Variants in KLHL17 observed in about 807,000 individuals in gnomAD.
KLHL17 encodes kelch-like protein 17.
KLHL17 carries 71 observed loss-of-function variants against 64.6 expected under a neutral mutation model. The observed-to-expected ratio is 1.10, with a 90% CI of 0.91 to 1.34. The LOEUF is 1.34. Ranked by LOEUF, KLHL17 falls within the 40% of genes most tolerant of loss-of-function variation. The probability of loss-of-function intolerance (pLI) is 0.00; values close to 1 mark genes in which losing one functional copy is unlikely to be tolerated. For synonymous variants in KLHL17, 612 were observed against 405.4 expected (o/e 1.51, Z -6.12); for missense variants, 1,140 against 935.0 (o/e 1.22, Z -2.86).
At position 962,054 on chromosome 1, in the gene KLHL17, G is replaced by A. The variant is rs941515377; in HGVS notation, c.711+7G>A. The stretch of plus-strand genomic sequence containing the variant: ...GCTGCTGCCCCTGAAACAGGTAACA[G>A]CTGGCGGGCCCAGCCCTCGCCCCCC... On this transcript the variant is annotated splice_region_variant and intron_variant, in intron 4 of 11. Coordinates refer to ENST00000338591, the MANE Select transcript of KLHL17 (RefSeq NM_198317.3). 2.5e-6 allele frequency: 4 copies of A among 1,612,122 alleles called. No homozygotes were observed. The highest frequency in any genetic ancestry group is 4.5e-5 in the East Asian group (2 of 44,862).
At chr1:962,170 G>A (rs754936183) in intron 4 of KLHL17, 123 bp downstream of exon 4, 2 of 1,273,468 alleles carry the variant, frequency 1.6e-6, no homozygotes, top group Non-Finnish European at 2.2e-6. Context: ...CCTGCTGTGT[G>A]TCCCCGAGAC....
Position 964,113 on chromosome 1 carries a change from A to G in KLHL17, c.1451A>G (p.Asn484Ser), listed in dbSNP as rs913977199. The G allele has an allele frequency of 1.2e-6, 2 of 1,612,492 alleles. No individual in the cohort carries two copies. Among genetic ancestry groups the G allele is most frequent in the African/African-American group, 2.7e-5 (2 of 74,882 alleles). ...RYVRVATLDG[N>S]LYAVGGYDSS... is the part of the protein sequence containing the mutation. ...GTGTGTTGACTTCCGGCAGATGGGAACCTGTATGCTGTGGGCGGCTACGAC... is the reference window on the plus strand; with the variant it reads ...GTGTGTTGACTTCCGGCAGATGGGAGCCTGTATGCTGTGGGCGGCTACGAC... Residue 484 changes from asparagine to serine, a missense_variant, in exon 10 of 12, where the codon AAC becomes AGC. Coordinates refer to ENST00000338591, the MANE Select transcript of KLHL17 (RefSeq NM_198317.3).
chr1:964,458 G>A lies in KLHL17; in HGVS notation c.1628G>A (p.Cys543Tyr), dbSNP rs1322771605. The change falls in exon 11 of 12, where the codon TGC becomes TAC. Residue 543 changes from cysteine to tyrosine, a missense_variant. Transcript: ENST00000338591. ...YVAGGNDGTS[C>Y]LNSVERYSPK... ...GCAGGGGGCAACGACGGCACCAGCT[G>A]CCTCAACTCGGTAGAGAGATACAGT... The A allele has an allele frequency of 6.5e-7, 1 of 1,547,088 alleles. No homozygotes were observed. Among genetic ancestry groups the A allele is most frequent in the Admixed American group, 2.0e-5 (1 of 50,870 alleles).
In KLHL17 at chr1:961,502, A is replaced by C; in HGVS notation, c.317A>C (p.His106Pro). 1 of 1,612,584 alleles carries C rather than the reference A, an allele frequency of 6.2e-7. No individual in the cohort carries two copies. The highest frequency in any genetic ancestry group is 1.1e-5 in the South Asian group (1 of 91,088). Residue 106 changes from histidine (H) to proline (P), a missense_variant, in exon 2 of 12, where the codon CAC (histidine) becomes CCC (proline). Physicochemically the swap from His to Pro is moderately conservative, Grantham distance 77. Transcript: ENST00000338591. The stretch of plus-strand genomic sequence containing the variant: ...GTGGCTGCCAAGGAGATCCGTGCGC[A>C]CAAAGTGGTGCTGGCCTCCTGCAGC... ...LHVAAKEIRA[H>P]KVVLASCSPY...
chr1:961,442 G>A lies in KLHL17; in HGVS notation c.257G>A (p.Arg86His). ...GCCTTCGTGGCCATGAGCCGCATGC[G>A]CCAGCGCGGCCTCCTGTGCGACATC... ...HDAFVAMSRM[R>H]QRGLLCDIVL... Residue 86 changes from arginine to histidine, a missense_variant, in exon 2 of 12, where the codon CGC (arginine) becomes CAC (histidine). Arg to His is a conservative substitution (Grantham distance 29). Coordinates refer to ENST00000338591, the MANE Select transcript of KLHL17 (RefSeq NM_198317.3). The A allele has an allele frequency of 1.9e-6, 3 of 1,612,174 alleles. No homozygotes were observed. Among genetic ancestry groups the A allele is most frequent in the Non-Finnish European group, 2.5e-6 (3 of 1,179,776 alleles).
At chr1:960,975 A>T in intron 1 of KLHL17, 175 bp downstream of exon 1, 1 of 339,800 alleles carries the variant, frequency 2.9e-6, no homozygotes, top group Non-Finnish European at 4.2e-6. Context: ...CCGCGCGCCC[A>T]GGACGCGACT....
Position 964,427 on chromosome 1 carries a change from T to C in KLHL17, c.1597T>C (p.Tyr533His). The C allele has an allele frequency of 1.3e-6, 2 of 1,550,612 alleles. No homozygotes were observed. The highest frequency in any genetic ancestry group is 1.7e-6 in the Non-Finnish European group (2 of 1,148,656). The stretch of plus-strand genomic sequence containing the variant: ...CGTGGCCGTGCTGGAGGGTGCCCTG[T>C]ACGTGGCAGGGGGCAACGACGGCAC... ...AGVAVLEGAL[Y>H]VAGGNDGTSC... is the part of the protein sequence containing the mutation. Residue 533 changes from tyrosine (Y) to histidine (H), a missense_variant, in exon 11 of 12, where the codon TAC becomes CAC. By Grantham distance (83) the Tyr-to-His change is moderately conservative. Coordinates refer to ENST00000338591, the MANE Select transcript of KLHL17 (RefSeq NM_198317.3).
At position 961,713 on chromosome 1, in the gene KLHL17, A is replaced by G; in HGVS notation, c.452A>G (p.Tyr151Cys). 6.2e-7 allele frequency: 1 copy of G among 1,612,326 alleles called. No homozygotes were observed. The highest frequency in any genetic ancestry group is 8.5e-7 in the Non-Finnish European group (1 of 1,179,560). ...TTGGACCAGCTGGTGCAGTTTGCCT[A>G]CACGGCTGAGATTGTGGTGGGCGAG... is the stretch of plus-strand genomic sequence containing the variant. The part of the protein sequence containing the change: ...QALDQLVQFA[Y>C]TAEIVVGEGN... Residue 151 changes from tyrosine (Y) to cysteine (C), a missense_variant, in exon 3 of 12, where the codon TAC (tyrosine) becomes TGC (cysteine). Tyr to Cys is a radical substitution (Grantham distance 194, BLOSUM62 -2). Transcript: ENST00000338591.
intron 11 of KLHL17, 30 bp from the exon 12 acceptor site, chr1:964,933 A>C: frequency 2.6e-6 from 4 of 1,512,784 alleles, no homozygotes; most frequent in Non-Finnish European, 3.6e-6. Flanking sequence ...CCCTTCCTGC[A>C]GCCAGGGGCT....
At position 961,461 on chromosome 1, in the gene KLHL17, C is replaced by A. The variant is rs1428921737; in HGVS notation, c.276C>A (p.Cys92Ter). 6.2e-7 allele frequency: 1 copy of A among 1,612,418 alleles called. No individual in the cohort carries two copies. Among genetic ancestry groups the A allele is most frequent in the South Asian group, 1.1e-5 (1 of 91,072 alleles). The change falls in exon 2 of 12, where the codon TGC (cysteine) becomes TGA (stop). Residue 92 changes from cysteine (C) to a stop codon, truncating the protein, a stop_gained. Coordinates refer to ENST00000338591, the MANE Select transcript of KLHL17 (RefSeq NM_198317.3). LOFTEE classifies it high-confidence loss of function. ...GCATGCGCCAGCGCGGCCTCCTGTG[C>A]GACATCGTCCTGCACGTGGCTGCCA... is the stretch of plus-strand genomic sequence containing the variant. ...MSRMRQRGLL[C>*]DIVLHVAAKE... is the part of the protein sequence containing the mutation.
Position 962,050 on chromosome 1 carries a change from A to G in KLHL17, c.711+3A>G. On this transcript the variant is annotated splice_donor_region_variant and intron_variant, in intron 4 of 11. Coordinates refer to ENST00000338591, the MANE Select transcript of KLHL17 (RefSeq NM_198317.3). ...TTATGCTGCTGCCCCTGAAACAGGT[A>G]ACAGCTGGCGGGCCCAGCCCTCGCC... The G allele has an allele frequency of 6.2e-7, 1 of 1,612,314 alleles. No homozygotes were observed. The highest frequency in any genetic ancestry group is 8.5e-7 in the Non-Finnish European group (1 of 1,179,690).
chr1:963,640 C>A, intron 8 of KLHL17, 136 bp downstream of exon 8: 1 of 1,038,974 alleles, frequency 9.6e-7, no homozygotes, highest in Non-Finnish European at 1.4e-6. Context: ...CAGGCCACTG[C>A]CACACTGGGC....
Position 960,818 on chromosome 1 carries a change from G to C in KLHL17, c.107+18G>C. 1 of 992,614 alleles carries C rather than the reference G, an allele frequency of 1.0e-6. No individual in the cohort carries two copies. Among genetic ancestry groups the C allele is most frequent in the Non-Finnish European group, 1.2e-6 (1 of 833,384 alleles). The allele number at this position is 992,614 out of a possible 1,614,324, so 61.5% of individuals were successfully genotyped here. A position where few individuals can be genotyped will look rare whatever the true frequency, so the allele number is the denominator to read the frequency against. On this transcript the variant is annotated intron_variant, in intron 1 of 11. Coordinates refer to ENST00000338591, the MANE Select transcript of KLHL17 (RefSeq NM_198317.3). Reference sequence around the variant, plus strand: ...CCGCCGGCGTGAGTGGGCGGGGGTCGGGGCGCGGGGGGCGGCCTCGGGACC... The same window carrying C: ...CCGCCGGCGTGAGTGGGCGGGGGTCCGGGCGCGGGGGGCGGCCTCGGGACC...
chr1:963,650 C>A, intron 8 of KLHL17, 146 bp downstream of exon 8: 1 of 1,013,350 alleles, frequency 9.9e-7, no homozygotes, highest in Non-Finnish European at 1.4e-6. Flanking sequence ...CCACACTGGG[C>A]CTGAACTCTT....
Position 961,628 on chromosome 1 carries a change from G to A in KLHL17, c.368-1G>A. The A allele has an allele frequency of 6.2e-7, 1 of 1,612,818 alleles. No individual in the cohort carries two copies. The highest frequency in any genetic ancestry group is 8.5e-7 in the Non-Finnish European group (1 of 1,179,934). ...GCTCGTGTAACCCGCTGTCCCCGCA[G>A]ATGAGATGAGCGAGAGCCGCCAGAC... is the stretch of plus-strand genomic sequence containing the variant. On this transcript the variant is annotated splice_acceptor_variant, in intron 2 of 11. Transcript: ENST00000338591. LOFTEE classifies it high-confidence loss of function.
In KLHL17 at chr1:961,655, C is replaced by T. The variant is rs746461764; in HGVS notation, c.394C>T (p.His132Tyr). Residue 132 changes from histidine to tyrosine, a missense_variant, in exon 3 of 12, where the codon CAC becomes TAC. By Grantham distance (83) the His-to-Tyr change is moderately conservative (BLOSUM62 2). Coordinates refer to ENST00000338591, the MANE Select transcript of KLHL17 (RefSeq NM_198317.3). ...TNEMSESRQT[H>Y]VTLHDIDPQA... The stretch of plus-strand genomic sequence containing the variant: ...TGAGATGAGCGAGAGCCGCCAGACC[C>T]ACGTGACGCTGCACGACATCGACCC... The T allele has an allele frequency of 1.2e-6, 2 of 1,612,730 alleles. No individual in the cohort carries two copies. Among genetic ancestry groups the T allele is most frequent in the Admixed American group, 3.3e-5 (2 of 59,996 alleles).
At position 960,738 on chromosome 1, in the gene KLHL17, G is replaced by A. The variant is rs776707987; in HGVS notation, c.45G>A (p.Pro15=). The change falls in exon 1 of 12, where the codon CCG becomes CCA. Residue 15 remains proline (P), a synonymous_variant. Coordinates refer to ENST00000338591, the MANE Select transcript of KLHL17 (RefSeq NM_198317.3). Reference sequence around the variant, plus strand: ...GCCCGGCCGGCAGGACGCAGAGCCCGGAGCACGGCAGCCCGGGGCCCGGGC... The same window carrying A: ...GCCCGGCCGGCAGGACGCAGAGCCCAGAGCACGGCAGCCCGGGGCCCGGGC... ...SERPAGRTQS[P]EHGSPGPGPE... The A allele has an allele frequency of 7.8e-6, 10 of 1,279,282 alleles. No homozygotes were observed. In the South Asian group the frequency reaches 1.7e-4, roughly 22 times the overall value. 79.2% of individuals were successfully genotyped at this position (1,279,282 alleles called of 1,614,324 possible).
rs1056440479 is a variant in KLHL17 at position 964,391 on chromosome 1, A to T, written c.1561A>T (p.Ser521Cys). The change falls in exon 11 of 12, where the codon AGC (serine) becomes TGC (cysteine). Residue 521 changes from serine to cysteine, a missense_variant. Ser to Cys is a moderately radical substitution (Grantham distance 112). Coordinates refer to ENST00000338591, the MANE Select transcript of KLHL17 (RefSeq NM_198317.3). ...CGTGGCGTCCATGCTGAGCCGACGCAGCTCAGCGGGCGTGGCCGTGCTGGA... is the reference window on the plus strand; with the variant it reads ...CGTGGCGTCCATGCTGAGCCGACGCTGCTCAGCGGGCGTGGCCGTGCTGGA... ...SPVASMLSRR[S>C]SAGVAVLEGA... The T allele has an allele frequency of 2.6e-6, 4 of 1,557,772 alleles. No homozygotes were observed. In the African/African-American group the frequency reaches 5.5e-5, roughly 21 times the overall value.
At chr1:962,542 C>T in intron 5 of KLHL17, 71 bp downstream of exon 5, 2 of 1,577,824 alleles carry the variant, frequency 1.3e-6, no homozygotes, top group Admixed American at 1.8e-5. Context: ...CCTGGTGCAC[C>T]CTGACCTTCC....
Sources: gnomAD v4.1 joint callset for allele counts on GRCh38, gnomAD v4.1.1 for gene constraint, MANE v1.5 for transcripts, NCBI Gene and HGNC (gene_info 2026-07-23, HGNC 2026-07-21) for gene names.